USP10: variants seen among roughly 807,000 people sequenced by gnomAD.
The protein encoded by USP10 is ubiquitin specific peptidase 10, also known as ubiquitin carboxyl-terminal hydrolase 10.
A neutral mutation model predicts 84.5 loss-of-function variants in USP10; 22 were observed. The observed-to-expected ratio is 0.26, with a 90% CI of 0.19 to 0.37. The LOEUF is 0.37. Ranked by LOEUF, USP10 falls within the 10% of genes least tolerant of loss-of-function variation. USP10 has a pLI of 1.00. For synonymous variants in USP10, 454 were observed against 387.6 expected, an observed-to-expected ratio of 1.17 and a Z score of -2.01; for missense variants, 1,019 against 998.9, an observed-to-expected ratio of 1.02 and a Z score of -0.27.
chr16:84,751,456 G>T (rs1325254094), intron 4 of USP10, among the ~76,000 whole-genome samples: 1 of 152,178 alleles, frequency 6.6e-6, no homozygotes, highest in Non-Finnish European at 1.5e-5. Flanking sequence ...TGGTCATGCG[G>T]CGTGATCTAA....
At chr16:84,720,000 T>C (rs1338705491) in intron 1 of USP10, among the ~76,000 whole-genome samples, 1 of 152,244 alleles carries the variant, frequency 6.6e-6, no homozygotes, top group Non-Finnish European at 1.5e-5. Flanking sequence ...TAAGTAACTT[T>C]GCTTTCCATT....
chr16:84,758,973 C>T (rs1567637979), intron 5 of USP10, among the ~76,000 whole-genome samples, 166 bp downstream of exon 5: 1 of 152,186 alleles, frequency 6.6e-6, no homozygotes, highest in African/African-American at 2.4e-5. Context: ...AGGATTATTC[C>T]TGACCCCAGT....
intron 4 of USP10, among the ~76,000 whole-genome samples, chr16:84,749,601 A>G (rs1302953757): frequency 1.3e-5 from 2 of 152,154 alleles, no homozygotes; most frequent in Non-Finnish European, 1.5e-5. Context: ...ATACACACAC[A>G]AAATGCTTGG....
At chr16:84,700,141 AG>A (rs1904643089) in intron 1 of USP10, 30 bp downstream of exon 1, 1 of 1,315,232 alleles carries the variant, frequency 7.6e-7, no homozygotes. Flanking sequence ...TTCGGCCGGA[AG>A]GGGCCCGAGC....
At chr16:84,707,702 C>A (rs1405151698) in intron 1 of USP10, among the ~76,000 whole-genome samples, 1 of 152,192 alleles carries the variant, frequency 6.6e-6, no homozygotes, top group African/African-American at 2.4e-5. Context: ...AGTGACTTAT[C>A]AGGATCCAGT....
At chr16:84,735,238 G>GTGTGTGTGTGTGTGT (rs1567612958) in intron 2 of USP10, among the ~76,000 whole-genome samples, 1 of 134,644 alleles carries the variant, frequency 7.4e-6, no homozygotes, top group African/African-American at 2.7e-5. Flanking sequence ...TGTGTGTGTG[G>GTGTGTGTGTGTGTGT]TGTGTGTGTT....
At chr16:84,763,314 G>A (rs1350181199) in intron 9 of USP10, among the ~76,000 whole-genome samples, 2 of 151,948 alleles carry the variant, frequency 1.3e-5, no homozygotes, top group Non-Finnish European at 2.9e-5. Flanking sequence ...AAATGATCAA[G>A]CCTATAAAAA....
chr16:84,743,117 G>C (rs979621789), intron 3 of USP10, among the ~76,000 whole-genome samples: 1 of 152,186 alleles, frequency 6.6e-6, no homozygotes, highest in Non-Finnish European at 1.5e-5. Flanking sequence ...AAAATGAACA[G>C]CCAGCCCCTA....
intron 4 of USP10, among the ~76,000 whole-genome samples, chr16:84,752,927 C>G (rs1390234184): frequency 6.6e-6 from 1 of 152,148 alleles, no homozygotes; most frequent in Non-Finnish European, 1.5e-5. Flanking sequence ...TCATTTCTTA[C>G]AATCATTCCT....
At chr16:84,700,189 CGCCCTGCCCGGAGCGAGCGTGTGG>C in intron 1 of USP10, 78 bp downstream of exon 1, 1 of 1,108,976 alleles carries the variant, frequency 9.0e-7, no homozygotes, top group Non-Finnish European at 1.1e-6. Flanking sequence ...CGGGCGTCCG[CGCCCTGCCCGGAGCGAGCGTGTGG>C]GAGTGGGGGA....
intron 1 of USP10, among the ~76,000 whole-genome samples, chr16:84,721,590 T>C (rs1270507004): frequency 6.6e-6 from 1 of 152,206 alleles, no homozygotes; most frequent in Non-Finnish European, 1.5e-5. Flanking sequence ...TGCAGTGGTG[T>C]GATCATAGCT....
rs1221426333 is a variant in USP10 at position 84,768,212 on chromosome 16, A to G, written c.1852A>G (p.Ser618Gly). The G allele has an allele frequency of 6.3e-7, 1 of 1,594,632 alleles. No individual in the cohort carries two copies. The highest frequency in any genetic ancestry group is 8.6e-7 in the Non-Finnish European group (1 of 1,169,290). ...GHIRSVVYQQ[S>G]SKESATLQPF... is the part of the protein sequence containing the mutation. ...TCTTAGGTCTGTGGTTTACCAGCAG[A>G]GTTCAAAAGAATCTGCCACTTTGCA... Residue 618 changes from serine (S) to glycine (G), a missense_variant, in exon 11 of 14, where the codon AGT (serine) becomes GGT (glycine). This residue lies in a region of USP10 where 232 missense variants were observed against 290.1 expected (regional missense o/e 0.80). Coordinates refer to ENST00000219473, the MANE Select transcript of USP10 (RefSeq NM_005153.3).
chr16:84,725,145 T>G (rs1437104015), intron 1 of USP10, among the ~76,000 whole-genome samples: 1 of 152,186 alleles, frequency 6.6e-6, no homozygotes, highest in Non-Finnish European at 1.5e-5. Context: ...TTAGAACATT[T>G]CATCATCCCC....
intron 1 of USP10, among the ~76,000 whole-genome samples, chr16:84,724,433 A>G (rs942945500): frequency 1.3e-5 from 2 of 152,194 alleles, no homozygotes. Context: ...TAGTAGAAAT[A>G]GAATATACAA....
chr16:84,700,046 C>G lies in USP10; in HGVS notation c.-45C>G. 1 of 1,355,526 alleles carries G rather than the reference C, an allele frequency of 7.4e-7. No individual in the cohort carries two copies. The highest frequency in any genetic ancestry group is 9.7e-7 in the Non-Finnish European group (1 of 1,031,990). The allele number at this position is 1,355,526 out of a possible 1,614,324, so 84.0% of individuals were successfully genotyped here. Reference sequence around the variant, plus strand: ...AAGATGGCGGCGGCGGGGGAAGCAGCGTGAGCAGCCGGAGGATCGCGGAGT... The same window carrying G: ...AAGATGGCGGCGGCGGGGGAAGCAGGGTGAGCAGCCGGAGGATCGCGGAGT... On this transcript the variant is annotated 5_prime_UTR_variant, in exon 1 of 14. Coordinates refer to ENST00000219473, the MANE Select transcript of USP10 (RefSeq NM_005153.3).
intron 1 of USP10, among the ~76,000 whole-genome samples, chr16:84,722,423 T>A (rs1229287547): frequency 6.6e-6 from 1 of 152,246 alleles, no homozygotes; most frequent in Non-Finnish European, 1.5e-5. Context: ...GGTTTTCATT[T>A]CTTGTGGGTA....
At chr16:84,744,154 G>A (rs967578044) in intron 3 of USP10, among the ~76,000 whole-genome samples, 2 of 151,348 alleles carry the variant, frequency 1.3e-5, no homozygotes, top group Admixed American at 6.6e-5. Flanking sequence ...GATTCTTTGC[G>A]TAGTTCATGT....
chr16:84,765,463 T>G (rs1286239589), intron 10 of USP10, among the ~76,000 whole-genome samples: 1 of 147,360 alleles, frequency 6.8e-6, no homozygotes, highest in Non-Finnish European at 1.5e-5. Flanking sequence ...TTTCCCTATC[T>G]CTGTAGTTTC....
Position 84,745,381 on chromosome 16 carries a change from C to T in USP10, c.900C>T (p.Asn300=), listed in dbSNP as rs774162736. ...CCTCGGGTGAGGGCACAGCTACCAACGGGGTGGAGTTGCACACCACGGAAA... is the reference window on the plus strand; with the variant it reads ...CCTCGGGTGAGGGCACAGCTACCAATGGGGTGGAGTTGCACACCACGGAAA... ...LESSGEGTAT[N]GVELHTTESI... Residue 300 remains asparagine, a synonymous_variant, in exon 4 of 14, where the codon AAC becomes AAT. Transcript: ENST00000219473. 3.4e-5 allele frequency: 55 copies of T among 1,613,350 alleles called. No individual in the cohort carries two copies. The highest frequency in any genetic ancestry group is 4.4e-5 in the Non-Finnish European group (52 of 1,179,728).
Sources: allele counts gnomAD v4.1 joint callset (sites outside exome capture counted in the v4.1 genomes callset), GRCh38; gene constraint gnomAD v4.1.1; regional missense constraint gnomAD v4.1.1; transcripts MANE v1.5; gene names NCBI Gene and HGNC (gene_info 2026-07-23, HGNC 2026-07-21).